Variants in ECPAS observed in about 807,000 individuals in gnomAD.
The protein encoded by ECPAS is Ecm29 proteasome adaptor and scaffold.
Under a neutral mutation model 255.1 loss-of-function variants are expected in ECPAS, and 70 were observed. That is an observed-to-expected ratio of 0.27 (90% CI 0.23 to 0.33). ECPAS has a LOEUF of 0.33. Ranked by LOEUF, ECPAS falls within the 10% of genes least tolerant of loss-of-function variation. ECPAS has a pLI of 1.00. For synonymous variants in ECPAS, 784 were observed against 775.0 expected (o/e 1.01, Z -0.19); for missense variants, 1,817 against 2,206.4 (o/e 0.82, Z 3.54).
At position 111,416,305 on chromosome 9, in the gene ECPAS, A is replaced by T. The variant is rs775663408; in HGVS notation, c.1731T>A (p.Thr577=). 1 of 1,613,758 alleles carries T rather than the reference A, an allele frequency of 6.2e-7. No individual in the cohort carries two copies. Among genetic ancestry groups the T allele is most frequent in the South Asian group, 1.1e-5 (1 of 91,084 alleles). The part of the protein sequence containing the change: ...KTPVKYMTGT[T]VLPFNPAAFG... ...AGGCTGCTGGGTTAAATGGAAGGAC[A>T]GTGGTCCCGGTCATGTACTTGACTG... The change falls in exon 18 of 50, where the codon ACT becomes ACA. Residue 577 remains threonine, a synonymous_variant. Coordinates refer to ENST00000684092, the MANE Select transcript of ECPAS (RefSeq NM_001364929.1).
intron 15 of ECPAS, 124 bp downstream of exon 15, chr9:111,421,797 T>C (rs1362872460): frequency 8.8e-7 from 1 of 1,132,388 alleles, no homozygotes; most frequent in Non-Finnish European, 1.2e-6. Context: ...TAAAAATAGA[T>C]CCTAAATCAC....
chr9:111,383,531 A>C (rs1564506438), intron 34 of ECPAS, among the ~76,000 whole-genome samples, 199 bp from the exon 35 acceptor site: 1 of 152,206 alleles, frequency 6.6e-6, no homozygotes, highest in African/African-American at 2.4e-5. Context: ...AAATTTGGTA[A>C]TGCATTTCAC....
In ECPAS at chr9:111,430,632, T is replaced by C. The variant is rs1437097090; in HGVS notation, c.849-4A>G. On this transcript the variant is annotated splice_polypyrimidine_tract_variant and splice_region_variant and intron_variant, in intron 8 of 49. Transcript: ENST00000684092. ...AGGATTATTCCAGTCAATTAAGCTA[T>C]GGAAGGTTTCAACACAGGTTGTTAA... The C allele has an allele frequency of 1.3e-6, 2 of 1,580,758 alleles. No homozygotes were observed. Among genetic ancestry groups the C allele is most frequent in the East Asian group, 2.3e-5 (1 of 44,290 alleles).
chr9:111,401,499 C>T (rs866037218), intron 24 of ECPAS, among the ~76,000 whole-genome samples: 4 of 152,278 alleles, frequency 2.6e-5, no homozygotes, highest in East Asian at 1.9e-4. Flanking sequence ...GTCTGTGTCC[C>T]GCTGTGCACA....
chr9:111,369,232 C>A, intron 45 of ECPAS, 59 bp from the exon 46 acceptor site: 1 of 1,301,340 alleles, frequency 7.7e-7, no homozygotes, highest in Non-Finnish European at 1.0e-6. Context: ...TACAGGTATA[C>A]TATTAAAGCT....
At position 111,433,388 on chromosome 9, in the gene ECPAS, G is replaced by A; in HGVS notation, c.709-16C>T. 6.2e-7 allele frequency: 1 copy of A among 1,613,708 alleles called. No homozygotes were observed. Among genetic ancestry groups the A allele is most frequent in the South Asian group, 1.1e-5 (1 of 91,058 alleles). Reference sequence around the variant, plus strand: ...CCAATTTGCACTGTAGATAAATGAAGGGAAGGAGAAAGAACAGTCAGGGGA... The same window carrying A: ...CCAATTTGCACTGTAGATAAATGAAAGGAAGGAGAAAGAACAGTCAGGGGA... On this transcript the variant is annotated splice_polypyrimidine_tract_variant and intron_variant, in intron 7 of 49. Coordinates refer to ENST00000684092, the MANE Select transcript of ECPAS (RefSeq NM_001364929.1).
chr9:111,418,072 A>G (rs2098207163), intron 16 of ECPAS, 66 bp from the exon 17 acceptor site: 7 of 1,419,272 alleles, frequency 4.9e-6, no homozygotes, highest in Non-Finnish European at 6.6e-6. Context: ...CATTTGAAGA[A>G]TAAGAACAGC....
chr9:111,389,879 C>A, intron 30 of ECPAS, 105 bp downstream of exon 30: 1 of 1,118,076 alleles, frequency 8.9e-7, no homozygotes, highest in South Asian at 1.5e-5. Context: ...TCATCAGGCA[C>A]AGACTTTCAC....
chr9:111,462,149 G>C (rs960539245), intron 2 of ECPAS, among the ~76,000 whole-genome samples: 1 of 152,096 alleles, frequency 6.6e-6, no homozygotes, highest in Non-Finnish European at 1.5e-5. Flanking sequence ...AAAGTTTCTA[G>C]AGAAATAAAG....
At chr9:111,470,552 C>T (rs1201670641) in intron 2 of ECPAS, among the ~76,000 whole-genome samples, 2 of 152,022 alleles carry the variant, frequency 1.3e-5, no homozygotes, top group African/African-American at 4.8e-5. Context: ...CCTCGTGATC[C>T]GCCCGCCTCG....
chr9:111,429,614 C>A (rs2098226915), intron 9 of ECPAS, among the ~76,000 whole-genome samples: 1 of 152,172 alleles, frequency 6.6e-6, no homozygotes, highest in South Asian at 2.1e-4. Flanking sequence ...TTCATAGGTC[C>A]TGATTCCCAA....
chr9:111,473,700 C>T (rs575417221), intron 1 of ECPAS, among the ~76,000 whole-genome samples: 22 of 152,320 alleles, frequency 1.4e-4, no homozygotes, highest in Admixed American at 4.6e-4. Flanking sequence ...GGCACGGTGG[C>T]TCACGCCTGT....
intron 4 of ECPAS, among the ~76,000 whole-genome samples, chr9:111,443,321 G>C (rs1272686698): frequency 6.6e-6 from 1 of 152,174 alleles, no homozygotes; most frequent in African/African-American, 2.4e-5. Flanking sequence ...CACAATCTCA[G>C]CTCACTGCAA....
Position 111,376,460 on chromosome 9 carries a change from T to C in ECPAS, c.4020+16A>G. On this transcript the variant is annotated intron_variant, in intron 37 of 49. Coordinates refer to ENST00000684092, the MANE Select transcript of ECPAS (RefSeq NM_001364929.1). ...GTAAGCAAACAAACCCTCTCATTAT[T>C]ATTTAAGACACTCACCATGTTGATT... is the stretch of plus-strand genomic sequence containing the variant. 1 of 1,569,852 alleles carries C rather than the reference T, an allele frequency of 6.4e-7. No homozygotes were observed. Among genetic ancestry groups the C allele is most frequent in the Non-Finnish European group, 8.7e-7 (1 of 1,153,348 alleles).
At chr9:111,363,036 G>C (rs180929450) in intron 49 of ECPAS, among the ~76,000 whole-genome samples, 2 of 152,072 alleles carry the variant, frequency 1.3e-5, no homozygotes, top group African/African-American at 2.4e-5. Flanking sequence ...TTGAGAGAGA[G>C]AGAGAAAAAA....
chr9:111,396,794 C>G lies in ECPAS; in HGVS notation c.2776+236G>C, dbSNP rs548732915. On this transcript the variant is annotated intron_variant, in intron 25 of 49. Coordinates refer to ENST00000684092, the MANE Select transcript of ECPAS (RefSeq NM_001364929.1). ...CTCTAACTCCTGACCTCAGGTGATT[C>G]GCTCACCTCGGCCTCCCAAAGTGCT... Among the ~76,000 whole-genome samples the G allele has an allele frequency of 1.5e-3, 231 of 152,206 alleles. 1 individual carries two copies. The highest frequency in any genetic ancestry group is 5.4e-3 in the African/African-American group (226 of 41,540).
chr9:111,422,986 C>T (rs2098216392), intron 13 of ECPAS, among the ~76,000 whole-genome samples: 2 of 152,132 alleles, frequency 1.3e-5, no homozygotes, highest in South Asian at 2.1e-4. Context: ...ATTTCAAGAC[C>T]ACCATTTAAT....
At chr9:111,401,221 G>C (rs963169025) in intron 24 of ECPAS, among the ~76,000 whole-genome samples, 1 of 152,156 alleles carries the variant, frequency 6.6e-6, no homozygotes, top group Non-Finnish European at 1.5e-5. Context: ...TTTCAATGTA[G>C]GTTCTTTTCT....
intron 35 of ECPAS, among the ~76,000 whole-genome samples, chr9:111,379,329 G>C (rs997967978): frequency 4.6e-5 from 7 of 152,204 alleles, no homozygotes; most frequent in African/African-American, 1.7e-4. Context: ...TAGAAGTTTT[G>C]TTTACACTAT....
Sources: gnomAD v4.1 joint callset for allele counts (sites outside exome capture counted in the v4.1 genomes callset) on GRCh38, gnomAD v4.1.1 for gene constraint, MANE v1.5 for transcripts, NCBI Gene and HGNC (gene_info 2026-07-23, HGNC 2026-07-21) for gene names.